Variants in TRPV1 observed in about 807,000 individuals in gnomAD.
TRPV1 encodes the protein transient receptor potential cation channel subfamily V member 1.
Under a neutral mutation model 82.3 loss-of-function variants are expected in TRPV1, and 82 were observed. The observed-to-expected ratio is 1.00, with a 90% CI of 0.83 to 1.20. The LOEUF is 1.20. TRPV1 is among the 50% of genes most tolerant of loss of function. The probability of loss-of-function intolerance (pLI) is 0.00; values close to 1 mark genes in which losing one functional copy is unlikely to be tolerated. For synonymous variants in TRPV1, 515 were observed against 467.7 expected, an observed-to-expected ratio of 1.10 and a Z score of -1.30; for missense variants, 1,067 against 1,096.8, an observed-to-expected ratio of 0.97 and a Z score of 0.38.
At chr17:3,576,668 A>AAAAAAAAAAATATATATATATATATATAT in intron 13 of TRPV1, among the ~76,000 whole-genome samples, 3 of 38,426 alleles carry the variant, frequency 7.8e-5, no homozygotes, top group Non-Finnish European at 1.1e-4. Context: ...AAAAAAAAAA[A>AAAAAAAAAAATATATATATATATATATAT]ATATATATAT....
intron 16 of TRPV1, among the ~76,000 whole-genome samples, chr17:3,570,592 A>G (rs1230556117): frequency 6.6e-6 from 1 of 152,218 alleles, no homozygotes; most frequent in Non-Finnish European, 1.5e-5. Context: ...ACTATAAACT[A>G]TGCCTCTTTC....
intron 13 of TRPV1, among the ~76,000 whole-genome samples, chr17:3,576,674 T>C (rs1479565647): frequency 2.0e-5 from 1 of 50,066 alleles, no homozygotes; most frequent in Non-Finnish European, 4.7e-5. Context: ...AAAAAATATA[T>C]ATATATATAT....
intron 3 of TRPV1, among the ~76,000 whole-genome samples, chr17:3,591,864 A>C (rs139015365): frequency 2.0e-5 from 3 of 152,158 alleles, no homozygotes; most frequent in Admixed American, 6.5e-5. Flanking sequence ...GCGGGCGTGG[A>C]CACCTAGACC....
Position 3,590,098 on chromosome 17 carries a change from C to A in TRPV1, c.753G>T (p.Leu251=). ...TGGTGCACGCGGCCAGGGACAGGGG[C>A]AGTTCACCTGCATGAACACAGGGCC... is the stretch of plus-strand genomic sequence containing the variant. ...KGRPGFYFGE[L]PLSLAACTNQ... The change falls in exon 7 of 17, where the codon CTG becomes CTT. Residue 251 remains leucine, a synonymous_variant. Coordinates refer to ENST00000572705, the MANE Select transcript of TRPV1 (RefSeq NM_080704.4). 1 of 1,605,220 alleles carries A rather than the reference C, an allele frequency of 6.2e-7. No homozygotes were observed. The highest frequency in any genetic ancestry group is 8.5e-7 in the Non-Finnish European group (1 of 1,175,108).
chr17:3,571,998 C>T (rs1049878952), intron 15 of TRPV1, 124 bp downstream of exon 15: 31 of 1,284,660 alleles, frequency 2.4e-5, no homozygotes, highest in African/African-American at 5.8e-5. Flanking sequence ...ATCCCTACAG[C>T]TGGCATTGGG....
Position 3,573,952 on chromosome 17 carries a change from AC to A in TRPV1, c.1783del (p.Val595TrpfsTer2), listed in dbSNP as rs770259252. ...IVFLFGFSTA[V>X]VTLIEDGKND... ...CTTCCCGTCTTCAATCAGCGTCACCACCGCTACAGGGCACAGGGAGGGCGGG... is the reference window on the plus strand; with the variant it reads ...CTTCCCGTCTTCAATCAGCGTCACCACGCTACAGGGCACAGGGAGGGCGGG... On this transcript the variant is annotated frameshift_variant and splice_region_variant, in exon 14 of 17. Coordinates refer to ENST00000572705, the MANE Select transcript of TRPV1 (RefSeq NM_080704.4). LOFTEE classifies it high-confidence loss of function. 4 of 1,599,634 alleles carry A rather than the reference AC, an allele frequency of 2.5e-6. No individual in the cohort carries two copies. Among genetic ancestry groups the A allele is most frequent in the Non-Finnish European group, 3.4e-6 (4 of 1,174,786 alleles).
At chr17:3,589,696 A>G (rs2075128915) in intron 7 of TRPV1, 111 bp downstream of exon 7, 1 of 1,281,670 alleles carries the variant, frequency 7.8e-7, no homozygotes, top group Admixed American at 2.5e-5. Context: ...TGACAGAATC[A>G]GAGTCCCGCA....
In TRPV1 at chr17:3,573,799, CCCATG is replaced by C. The variant is rs1242304882; in HGVS notation, c.1932_1936del (p.Met645ArgfsTer6). 1 of 1,613,874 alleles carries C rather than the reference CCCATG, an allele frequency of 6.2e-7. No individual in the cohort carries two copies. Among genetic ancestry groups the C allele is most frequent in the South Asian group, 1.1e-5 (1 of 91,058 alleles). Reference sequence around the variant, plus strand: ...ATAGTTCTCAGTGAACTCCAGGTCGCCCATGCCGATGGTGAACTTGAACAGCTCCA... The same window carrying C: ...ATAGTTCTCAGTGAACTCCAGGTCGCCCGATGGTGAACTTGAACAGCTCCA... On this transcript the variant is annotated frameshift_variant, in exon 14 of 17. Coordinates refer to ENST00000572705, the MANE Select transcript of TRPV1 (RefSeq NM_080704.4). LOFTEE classifies it high-confidence loss of function.
chr17:3,591,535 G>A (rs2277676), intron 3 of TRPV1, among the ~76,000 whole-genome samples, 182 bp from the exon 4 acceptor site: 34,589 of 152,182 alleles, frequency 0.23, 4,344 homozygotes, highest in South Asian at 0.28. Context: ...GACAGTGGAG[G>A]GCATGTGTCC....
At chr17:3,606,255 C>T (rs61642919) in intron 2 of TRPV1, among the ~76,000 whole-genome samples, 1,786 of 152,326 alleles carry the variant, frequency 0.012, 58 homozygotes, top group East Asian at 0.091. Context: ...AGGCACTGCA[C>T]CAAAGGGCGC....
chr17:3,602,518 C>G (rs2075270671), intron 2 of TRPV1, among the ~76,000 whole-genome samples: 1 of 152,066 alleles, frequency 6.6e-6, no homozygotes, highest in Admixed American at 6.6e-5. Flanking sequence ...AATGATGTAC[C>G]CATTAAAACT....
chr17:3,601,742 G>A (rs535356458), intron 2 of TRPV1: 99 of 148,172 alleles, frequency 6.7e-4, no homozygotes, highest in African/African-American at 2.3e-3. Flanking sequence ...GACTACAGGT[G>A]TGCACCACCA....
At chr17:3,597,043 C>G (rs1281320140) in intron 2 of TRPV1, 1 of 152,326 alleles carries the variant, frequency 6.6e-6, no homozygotes, top group African/African-American at 2.4e-5. Flanking sequence ...GGTCCCGGGC[C>G]CGGCCCTGGC....
At chr17:3,588,456 A>C in intron 7 of TRPV1, 89 bp from the exon 8 acceptor site, 2 of 1,441,632 alleles carry the variant, frequency 1.4e-6, no homozygotes, top group Non-Finnish European at 1.9e-6. Context: ...TTCCCAGCCC[A>C]GCTGGTGGCC....
rs183864868 is a variant in TRPV1 at position 3,607,219 on chromosome 17, C to G, written c.-34+1208G>C. 3.9e-5 allele frequency among the ~76,000 whole-genome samples: 6 copies of G among 152,162 alleles called. No homozygotes were observed. The East Asian group carries it at 9.7e-4, about 25-fold the overall frequency. Reference sequence around the variant, plus strand: ...ATTAGCCAGGTGTGGTAGCACATGCCTGTAATCTCAGCTACTCGGGAGGCT... The same window carrying G: ...ATTAGCCAGGTGTGGTAGCACATGCGTGTAATCTCAGCTACTCGGGAGGCT... On this transcript the variant is annotated intron_variant, in intron 2 of 16. Transcript: ENST00000572705.
intron 2 of TRPV1, among the ~76,000 whole-genome samples, chr17:3,604,123 C>T (rs990173379): frequency 6.6e-6 from 1 of 152,230 alleles, no homozygotes; most frequent in African/African-American, 2.4e-5. Flanking sequence ...GTATGTGTCA[C>T]CAGGGAGGCC....
rs569652998 is a variant in TRPV1 at position 3,596,183 on chromosome 17, A to T, written c.-33-3800T>A. On this transcript the variant is annotated intron_variant, in intron 2 of 16. Coordinates refer to ENST00000572705, the MANE Select transcript of TRPV1 (RefSeq NM_080704.4). ...CGTGGTATGATCTGAGTCTTTCTCA[A>T]CTCCAAAGCCAGAACAGATACTGCC... Among the ~76,000 whole-genome samples, 6 of 152,228 alleles carry T rather than the reference A, an allele frequency of 3.9e-5. No homozygotes were observed. In the South Asian group the frequency reaches 1.2e-3, roughly 32 times the overall value.
intron 2 of TRPV1, among the ~76,000 whole-genome samples, chr17:3,598,191 C>T (rs982298715): frequency 1.2e-4 from 18 of 152,330 alleles, no homozygotes; most frequent in African/African-American, 3.8e-4. Flanking sequence ...CAGCTGCCTG[C>T]GGGACGCCAA....
chr17:3,583,624 A>C (rs1378483185), intron 9 of TRPV1, among the ~76,000 whole-genome samples, 194 bp from the exon 10 acceptor site: 3 of 152,256 alleles, frequency 2.0e-5, no homozygotes, highest in African/African-American at 7.2e-5. Flanking sequence ...CCAAAGTGGC[A>C]GCCTGCAGGT....
Sources: allele counts gnomAD v4.1 joint callset (sites outside exome capture counted in the v4.1 genomes callset), GRCh38; gene constraint gnomAD v4.1.1; transcripts MANE v1.5; gene names NCBI Gene and HGNC (gene_info 2026-07-23, HGNC 2026-07-21).